NR6A1: variants seen among roughly 807,000 people sequenced by gnomAD.
NR6A1 encodes nuclear receptor subfamily 6 group A member 1.
Under a neutral mutation model 59.1 loss-of-function variants are expected in NR6A1, and 7 were observed. The observed-to-expected ratio is 0.12, with a 90% CI of 0.07 to 0.22. The LOEUF (loss-of-function observed/expected upper bound fraction) is 0.22. NR6A1 is among the 10% of genes least tolerant of loss of function. The pLI, the probability that NR6A1 is intolerant of heterozygous loss-of-function variation, is 1.00. For missense variants in NR6A1, 468 were observed against 611.6 expected (o/e 0.77, Z 2.48); for synonymous variants, 243 against 236.1 (o/e 1.03, Z -0.27).
intron 1 of NR6A1, among the ~76,000 whole-genome samples, chr9:124,742,399 T>C (rs1840196801): frequency 6.6e-6 from 1 of 151,524 alleles, no homozygotes; most frequent in African/African-American, 2.4e-5. Flanking sequence ...CCGTCTCTAC[T>C]AAAAATACAA....
Position 124,599,586 on chromosome 9 carries a change from C to CGCGGCGGCG in NR6A1, c.143-45025_143-45017dup. ...GTGTCCGTGGCAGCCGCCATGAGGG[C>CGCGGCGGCG]GCGGCGGCGGCGGCCGCTCGGCTGA... On this transcript the variant is annotated intron_variant, in intron 2 of 9. Coordinates refer to ENST00000487099, the MANE Select transcript of NR6A1 (RefSeq NM_033334.4). The CGCGGCGGCG allele has an allele frequency of 2.6e-6, 3 of 1,141,912 alleles. No homozygotes were observed. The South Asian group carries it at 4.4e-5, about 17-fold the overall frequency. 70.7% of individuals were successfully genotyped at this position (1,141,912 alleles called of 1,614,324 possible).
chr9:124,645,651 C>G (rs1836909627), intron 2 of NR6A1, among the ~76,000 whole-genome samples: 1 of 152,098 alleles, frequency 6.6e-6, no homozygotes, highest in African/African-American at 2.4e-5. Flanking sequence ...GAAGCAAAAC[C>G]TGATAGAACT....
chr9:124,561,936 C>CA (rs1455584372), intron 2 of NR6A1, among the ~76,000 whole-genome samples: 6 of 152,050 alleles, frequency 3.9e-5, no homozygotes, highest in Admixed American at 3.3e-4. Flanking sequence ...TAAATAAAAA[C>CA]AAAAAACTTA....
At position 124,769,237 on chromosome 9, in the gene NR6A1, A is replaced by T. The variant is rs149926223; in HGVS notation, c.100+1783T>A. 1.4e-3 allele frequency among the ~76,000 whole-genome samples: 186 copies of T among 137,602 alleles called. 1 individual carries two copies. Among genetic ancestry groups the T allele is most frequent in the African/African-American group, 5.1e-3 (177 of 34,382 alleles). The allele number at this position is 137,602 out of a possible 152,430, so 90.3% of individuals were successfully genotyped here. On this transcript the variant is annotated intron_variant, in intron 1 of 9. Coordinates refer to ENST00000487099, the MANE Select transcript of NR6A1 (RefSeq NM_033334.4). Reference sequence around the variant, plus strand: ...GAACGGCCAGCCACCTAGCCATCATACATCATACACAAATTAAAAAAAAAA... The same window carrying T: ...GAACGGCCAGCCACCTAGCCATCATTCATCATACACAAATTAAAAAAAAAA...
At chr9:124,663,529 G>C (rs1188250541) in intron 2 of NR6A1, among the ~76,000 whole-genome samples, 1 of 152,022 alleles carries the variant, frequency 6.6e-6, no homozygotes, top group African/African-American at 2.4e-5. Context: ...CTTCCTGCCA[G>C]GCTGTTTTCA....
intron 2 of NR6A1, among the ~76,000 whole-genome samples, chr9:124,720,690 C>T (rs950844841): frequency 6.6e-6 from 1 of 152,096 alleles, no homozygotes; most frequent in Non-Finnish European, 1.5e-5. Context: ...AAAGAGTGGT[C>T]CCGGTTGACC....
chr9:124,651,467 C>A (rs1837102676), intron 2 of NR6A1, among the ~76,000 whole-genome samples: 1 of 152,096 alleles, frequency 6.6e-6, no homozygotes, highest in Non-Finnish European at 1.5e-5. Flanking sequence ...ATCTCAATTT[C>A]CAAATACTTA....
At chr9:124,657,386 T>C (rs1446727262) in intron 2 of NR6A1, among the ~76,000 whole-genome samples, 1 of 152,160 alleles carries the variant, frequency 6.6e-6, no homozygotes, top group Non-Finnish European at 1.5e-5. Flanking sequence ...TAAGTATCAA[T>C]TTAGGACTCT....
chr9:124,625,760 A>G (rs986871297), intron 2 of NR6A1, among the ~76,000 whole-genome samples: 1 of 152,180 alleles, frequency 6.6e-6, no homozygotes, highest in Non-Finnish European at 1.5e-5. Context: ...TTACGTCTGC[A>G]AACTCTGAGT....
At chr9:124,549,205 T>G (rs115512030) in intron 3 of NR6A1, among the ~76,000 whole-genome samples, 1,571 of 148,952 alleles carry the variant, frequency 0.011, 28 homozygotes, top group African/African-American at 0.038. Context: ...ACGCTGAACC[T>G]TGAAGTCAGG....
chr9:124,749,005 G>A (rs1840419442), intron 1 of NR6A1, among the ~76,000 whole-genome samples: 2 of 152,210 alleles, frequency 1.3e-5, no homozygotes, highest in Non-Finnish European at 2.9e-5. Context: ...GCTCACGCCT[G>A]TAACCCCAGC....
At chr9:124,567,854 T>TA (rs1451585909) in intron 2 of NR6A1, among the ~76,000 whole-genome samples, 34 of 146,296 alleles carry the variant, frequency 2.3e-4, no homozygotes, top group Admixed American at 1.4e-3. Context: ...TTTTTTTTTT[T>TA]AACTAGTACA....
chr9:124,554,136 T>A (rs900068210), intron 3 of NR6A1, among the ~76,000 whole-genome samples, 192 bp downstream of exon 3: 2 of 152,226 alleles, frequency 1.3e-5, no homozygotes, highest in Non-Finnish European at 2.9e-5. Context: ...CACCTTAACA[T>A]CTCACTAGTT....
Position 124,695,186 on chromosome 9 carries a change from T to C in NR6A1, c.142+38122A>G, listed in dbSNP as rs576541656. ...CACTATTCTGCTGAGTGCAGACAGG[T>C]AGAGTCACATTTGTGCTGCTTTTAA... On this transcript the variant is annotated intron_variant, in intron 2 of 9. Coordinates refer to ENST00000487099, the MANE Select transcript of NR6A1 (RefSeq NM_033334.4). Among the ~76,000 whole-genome samples, 17 of 152,264 alleles carry C rather than the reference T, an allele frequency of 1.1e-4. No homozygotes were observed. The South Asian group carries it at 1.4e-3, about 13-fold the overall frequency.
rs1832748174 is a variant in NR6A1, at chr9:124,519,260, CAG to C, written c.*3443_*3444del. On this transcript the variant is annotated 3_prime_UTR_variant, in exon 10 of 10. Transcript: ENST00000487099. ...CTTGCTCTGGTTCTGGGAAACAGGA[CAG>C]GGAGGATCCTGCTTACTTCCTCCTA... is the stretch of plus-strand genomic sequence containing the variant. The C allele has an allele frequency of 1.3e-5, 2 of 152,226 alleles. No homozygotes were observed. Among genetic ancestry groups the C allele is most frequent in the African/African-American group, 4.8e-5 (2 of 41,438 alleles). The allele number at this position is 152,226 out of a possible 1,614,324, so 9.4% of individuals were successfully genotyped here.
At chr9:124,646,128 A>G (rs150694429) in intron 2 of NR6A1, among the ~76,000 whole-genome samples, 2 of 152,200 alleles carry the variant, frequency 1.3e-5, no homozygotes, top group Admixed American at 6.5e-5. Context: ...CTTGGAGGAA[A>G]GTTACAGCAC....
At chr9:124,599,857 T>G (rs1364288607) in intron 2 of NR6A1, among the ~76,000 whole-genome samples, 1 of 152,200 alleles carries the variant, frequency 6.6e-6, no homozygotes, top group African/African-American at 2.4e-5. Flanking sequence ...AAACCACGTA[T>G]CTTGAGGACA....
At chr9:124,618,852 A>C (rs1332085147) in intron 2 of NR6A1, among the ~76,000 whole-genome samples, 2 of 152,218 alleles carry the variant, frequency 1.3e-5, no homozygotes, top group African/African-American at 4.8e-5. Context: ...GAGAATAGGA[A>C]AGCAGGCTCT....
At chr9:124,638,566 G>A (rs1836684491) in intron 2 of NR6A1, among the ~76,000 whole-genome samples, 1 of 152,138 alleles carries the variant, frequency 6.6e-6, no homozygotes, top group South Asian at 2.1e-4. Context: ...ATTCACTAGT[G>A]CAATGCTTTG....
Sources: gnomAD v4.1 joint callset for allele counts (sites outside exome capture counted in the v4.1 genomes callset) on GRCh38, gnomAD v4.1.1 for gene constraint, MANE v1.5 for transcripts, NCBI Gene and HGNC (gene_info 2026-07-23, HGNC 2026-07-21) for gene names.